The following DPH6 variants were observed in gnomAD, a reference collection of about 807,000 sequenced individuals.
DPH6 encodes the protein diphthine--ammonia ligase.
In DPH6, 33 loss-of-function variants were observed where a neutral mutation model predicts 38.2. That is an observed-to-expected ratio of 0.86 (90% CI 0.65 to 1.15). The LOEUF (loss-of-function observed/expected upper bound fraction) is 1.15, where lower values mean the gene tolerates loss of function less well. DPH6 is among the 50% of genes most tolerant of loss of function. The pLI is 0.00. For synonymous variants in DPH6, 108 were observed against 103.0 expected, an observed-to-expected ratio of 1.05 and a Z score of -0.30; for missense variants, 325 against 320.0, an observed-to-expected ratio of 1.02 and a Z score of -0.12.
chr15:35,515,339 T>A (rs2054830654), intron 3 of DPH6, among the ~76,000 whole-genome samples: 1 of 151,994 alleles, frequency 6.6e-6, no homozygotes, highest in South Asian at 2.1e-4. Context: ...CATACCTATA[T>A]CCCAGAACTT....
chr15:35,192,633 A>G, the DPH6 span, among the ~76,000 whole-genome samples: 2 of 152,328 alleles, frequency 1.3e-5, no homozygotes, highest in African/African-American at 4.8e-5. Flanking sequence ...TTTGGAATCA[A>G]TAATTTGGGA....
chr15:35,311,652 T>C (rs1170071300), intron 3 of DPH6, among the ~76,000 whole-genome samples: 2 of 152,208 alleles, frequency 1.3e-5, no homozygotes, highest in Admixed American at 6.5e-5. Flanking sequence ...AGTACAGTTA[T>C]CTGAAATGTT....
intron 3 of DPH6, among the ~76,000 whole-genome samples, chr15:35,361,474 G>A (rs1162695465): frequency 6.7e-6 from 1 of 150,280 alleles, no homozygotes; most frequent in African/African-American, 2.5e-5. Context: ...TCATTTCTCA[G>A]ATTTGGGAAA....
chr15:35,425,304 C>T (rs747516053), intron 5 of DPH6, among the ~76,000 whole-genome samples: 4 of 151,314 alleles, frequency 2.6e-5, no homozygotes, highest in Non-Finnish European at 4.4e-5. Context: ...CATAGAGAAA[C>T]AGAAAAACAC....
chr15:35,198,021 T>G, the DPH6 span, among the ~76,000 whole-genome samples: 1 of 152,112 alleles, frequency 6.6e-6, no homozygotes. Context: ...GGCACATATT[T>G]TATATAAAAA....
intron 3 of DPH6, among the ~76,000 whole-genome samples, chr15:35,275,537 A>G (rs1182881911): frequency 6.6e-6 from 1 of 152,154 alleles, no homozygotes; most frequent in East Asian, 1.9e-4. Context: ...AATATCACAC[A>G]CTGGGGCCTG....
intron 3 of DPH6, among the ~76,000 whole-genome samples, chr15:35,303,172 A>G (rs567826812): frequency 6.6e-6 from 1 of 152,212 alleles, no homozygotes; most frequent in Middle Eastern, 3.4e-3. Flanking sequence ...CTTTTCCATC[A>G]TGATGCTGTG....
intron 6 of DPH6, among the ~76,000 whole-genome samples, chr15:35,384,627 C>T (rs2052920809): frequency 6.6e-6 from 1 of 151,950 alleles, no homozygotes; most frequent in South Asian, 2.1e-4. Flanking sequence ...CGCACCATTG[C>T]ACTCCAGCCT....
At chr15:35,280,116 T>G (rs1287610875) in intron 3 of DPH6, among the ~76,000 whole-genome samples, 2 of 152,198 alleles carry the variant, frequency 1.3e-5, no homozygotes, top group Non-Finnish European at 2.9e-5. Context: ...AGTCACCCAG[T>G]CTATAGTATT....
At chr15:35,490,292 A>C in intron 3 of DPH6, 1 of 577,346 alleles carries the variant, frequency 1.7e-6, no homozygotes, top group Non-Finnish European at 2.2e-6. Context: ...GTAGTAGACC[A>C]AATGAATGTG....
chr15:35,307,975 G>A (rs762546439), intron 3 of DPH6, among the ~76,000 whole-genome samples: 1 of 152,084 alleles, frequency 6.6e-6, no homozygotes, highest in Non-Finnish European at 1.5e-5. Flanking sequence ...AACCTCTGAG[G>A]AAATAAAAAC....
At chr15:35,451,199 A>G (rs1040430297) in intron 4 of DPH6, among the ~76,000 whole-genome samples, 2 of 152,222 alleles carry the variant, frequency 1.3e-5, no homozygotes, top group Admixed American at 1.3e-4. Context: ...TAAATTAACA[A>G]TAGCTACAGT....
At chr15:35,280,176 T>A (rs1276531913) in intron 3 of DPH6, among the ~76,000 whole-genome samples, 2 of 152,248 alleles carry the variant, frequency 1.3e-5, no homozygotes, top group African/African-American at 2.4e-5. Flanking sequence ...ATCTTTCCTA[T>A]CATTATTATT....
At chr15:35,453,124 G>C (rs2053957174) in intron 4 of DPH6, among the ~76,000 whole-genome samples, 1 of 152,122 alleles carries the variant, frequency 6.6e-6, no homozygotes, top group Admixed American at 6.5e-5. Flanking sequence ...TGGACCAATG[G>C]ACTCCCAGTA....
In DPH6 at chr15:35,494,518, C is replaced by T. The variant is rs545539403; in HGVS notation, c.313-39698G>A. Among the ~76,000 whole-genome samples the T allele has an allele frequency of 5.9e-5, 9 of 152,186 alleles. No individual in the cohort carries two copies. The South Asian group carries it at 1.2e-3, about 21-fold the overall frequency. ...TGCTGATGACTATAAACACCTGGATCTTTAGAATATTAGGTGGCTGAATTT... is the reference window on the plus strand; with the variant it reads ...TGCTGATGACTATAAACACCTGGATTTTTAGAATATTAGGTGGCTGAATTT... On this transcript the variant is annotated intron_variant, in intron 3 of 8. Transcript: ENST00000256538.
intron 3 of DPH6, among the ~76,000 whole-genome samples, chr15:35,461,704 C>T (rs201359037): frequency 2.0e-5 from 3 of 151,662 alleles, no homozygotes; most frequent in South Asian, 2.1e-4. Flanking sequence ...GAAGGGGGTA[C>T]GGACTTCCAC....
At position 35,237,835 on chromosome 15, in the gene DPH6, G is replaced by T. The variant is rs977393159; in HGVS notation, n.201-17253C>A. 13 of 1,543,192 alleles carry T rather than the reference G, an allele frequency of 8.4e-6. No homozygotes were observed. In the African/African-American group the frequency reaches 1.4e-4, roughly 16 times the overall value. On this transcript the variant is annotated intron_variant and non_coding_transcript_variant, in intron 3 of 3. Transcript: ENST00000560386. ...GCTACGTGGAGGGCCTGGAGGAGGA[G>T]GAGGAGGATGAGGATGAGGAGGAGT...
rs773401816 is a variant in DPH6, at chr15:35,381,885, C to G, written c.599G>C (p.Gly200Ala). The change falls in exon 7 of 9, where the codon GGA (glycine) becomes GCA (alanine). Residue 200 changes from glycine to alanine, a missense_variant. Coordinates refer to ENST00000256538, the MANE Select transcript of DPH6 (RefSeq NM_080650.4). ...LSKKYGVHVCGEGGEYETFTL... is the reference protein window; with the variant it reads ...LSKKYGVHVCAEGGEYETFTL... ...GAAAGTTTCATACTCTCCACCTTCT[C>G]CACAAACATGTACTCCATACTTCTT... is the stretch of plus-strand genomic sequence containing the variant. The G allele has an allele frequency of 4.3e-6, 7 of 1,613,658 alleles. No individual in the cohort carries two copies. The highest frequency in any genetic ancestry group is 5.9e-6 in the Non-Finnish European group (7 of 1,179,728).
chr15:35,433,965 T>C (rs2053663680), intron 5 of DPH6, among the ~76,000 whole-genome samples: 1 of 152,198 alleles, frequency 6.6e-6, no homozygotes, highest in Admixed American at 6.5e-5. Context: ...TATCTTTATG[T>C]GGTTGTGACA....
Sources: gnomAD v4.1 joint callset for allele counts (sites outside exome capture counted in the v4.1 genomes callset) on GRCh38, gnomAD v4.1.1 for gene constraint, MANE v1.5 for transcripts, NCBI Gene and HGNC (gene_info 2026-07-23, HGNC 2026-07-21) for gene names.